Variants in GLIS3 observed in about 807,000 individuals in gnomAD.
GLIS3 encodes GLIS family zinc finger 3.
In GLIS3, 53 loss-of-function variants were observed where a neutral mutation model predicts 78.6. The ratio of observed to expected loss-of-function variants is 0.67; its 90% confidence interval spans 0.54 to 0.85. The LOEUF is 0.85. Ranked by LOEUF, GLIS3 falls within the 40% of genes least tolerant of loss-of-function variation. The pLI, the probability that GLIS3 is intolerant of heterozygous loss-of-function variation, is 0.00. For synonymous variants in GLIS3, 684 were observed against 509.9 expected, an observed-to-expected ratio of 1.34 and a Z score of -4.60; for missense variants, 1,703 against 1,231.1, an observed-to-expected ratio of 1.38 and a Z score of -5.74.
At chr9:4,011,498 T>G (rs966477259) in intron 4 of GLIS3, among the ~76,000 whole-genome samples, 2 of 152,196 alleles carry the variant, frequency 1.3e-5, no homozygotes, top group Admixed American at 1.3e-4. Context: ...GACTGTGTGG[T>G]GTGCACGGTA....
chr9:4,480,773 G>C, the GLIS3 span, among the ~76,000 whole-genome samples: 3 of 149,382 alleles, frequency 2.0e-5, no homozygotes, highest in Admixed American at 2.0e-4. Context: ...TGGAATTGTA[G>C]AATGCATATT....
chr9:4,204,275 G>A (rs967989610), intron 2 of GLIS3, among the ~76,000 whole-genome samples: 2 of 152,262 alleles, frequency 1.3e-5, no homozygotes, highest in South Asian at 2.1e-4. Flanking sequence ...ATTTTATAAC[G>A]ATTCTTTCAC....
chr9:4,180,442 C>A (rs866344847), intron 2 of GLIS3, among the ~76,000 whole-genome samples: 2 of 152,312 alleles, frequency 1.3e-5, no homozygotes, highest in African/African-American at 2.4e-5. Flanking sequence ...GTTTCCTCAT[C>A]AGCAAGGATG....
the GLIS3 span, among the ~76,000 whole-genome samples, chr9:4,371,838 C>G: frequency 1.3e-5 from 2 of 152,224 alleles, no homozygotes; most frequent in Non-Finnish European, 2.9e-5. Flanking sequence ...ACTTTTGCTT[C>G]AAAGATAGAG....
At chr9:4,190,988 G>C (rs1818282581) in intron 2 of GLIS3, among the ~76,000 whole-genome samples, 1 of 152,026 alleles carries the variant, frequency 6.6e-6, no homozygotes, top group South Asian at 2.1e-4. Flanking sequence ...AATGCTGAGA[G>C]ATTTTGTCAC....
intron 6 of GLIS3, among the ~76,000 whole-genome samples, chr9:3,904,195 G>A (rs1170801591): frequency 1.3e-5 from 2 of 152,164 alleles, no homozygotes; most frequent in Non-Finnish European, 2.9e-5. Flanking sequence ...GTGTGTGACT[G>A]CTGTACTGTG....
intron 4 of GLIS3, among the ~76,000 whole-genome samples, chr9:3,979,182 C>T (rs1363389689): frequency 6.6e-6 from 1 of 152,132 alleles, no homozygotes; most frequent in Non-Finnish European, 1.5e-5. Flanking sequence ...CCTGACAAAA[C>T]ACTCTAAACC....
At chr9:3,877,522 GT>G (rs1821396609) in intron 8 of GLIS3, among the ~76,000 whole-genome samples, 1 of 152,150 alleles carries the variant, frequency 6.6e-6, no homozygotes, top group Non-Finnish European at 1.5e-5. Context: ...CCTAAAGTCA[GT>G]TTATTATTCT....
the GLIS3 span, among the ~76,000 whole-genome samples, chr9:4,444,450 C>G: frequency 6.6e-6 from 1 of 152,182 alleles, no homozygotes; most frequent in Non-Finnish European, 1.5e-5. Context: ...TTTGAATGAA[C>G]AGAATGATAA....
At chr9:3,932,294 C>G in intron 6 of GLIS3, 66 bp downstream of exon 6, 2 of 1,246,676 alleles carry the variant, frequency 1.6e-6, no homozygotes, top group Non-Finnish European at 1.2e-6. Flanking sequence ...CCTGCAGAAG[C>G]TTCGTGTACT....
At chr9:4,182,891 C>A (rs1024832582) in intron 2 of GLIS3, among the ~76,000 whole-genome samples, 4 of 152,146 alleles carry the variant, frequency 2.6e-5, no homozygotes, top group African/African-American at 7.2e-5. Context: ...CCCAACAACT[C>A]CTAGTTTACT....
intron 7 of GLIS3, among the ~76,000 whole-genome samples, chr9:3,884,694 C>T (rs1312504818): frequency 6.6e-6 from 1 of 152,136 alleles, no homozygotes; most frequent in Non-Finnish European, 1.5e-5. Context: ...AACATTTCCC[C>T]AGTTTGCTGA....
chr9:4,029,230 A>C (rs773031202), intron 4 of GLIS3, among the ~76,000 whole-genome samples: 4 of 152,100 alleles, frequency 2.6e-5, no homozygotes, highest in Non-Finnish European at 5.9e-5. Flanking sequence ...TCATCTAGTC[A>C]AATGTAACAA....
chr9:3,975,052 G>T (rs1008579029), intron 4 of GLIS3: 12 of 152,216 alleles, frequency 7.9e-5, no homozygotes, highest in African/African-American at 2.9e-4. Flanking sequence ...AATGGGAAAA[G>T]ATTAGAATTT....
chr9:4,243,283 G>A (rs561329509), intron 2 of GLIS3, among the ~76,000 whole-genome samples: 2 of 152,286 alleles, frequency 1.3e-5, no homozygotes, highest in South Asian at 2.1e-4. Context: ...TGGCCAGAAA[G>A]GATCAGTCAG....
chr9:3,833,217 C>G (rs1818148845), intron 9 of GLIS3, among the ~76,000 whole-genome samples: 1 of 152,152 alleles, frequency 6.6e-6, no homozygotes, highest in African/African-American at 2.4e-5. Flanking sequence ...TTTTATCACT[C>G]TAACAGCCAA....
chr9:4,351,579 G>C (rs1817971967), upstream of GLIS3, among the ~76,000 whole-genome samples: 1 of 151,940 alleles, frequency 6.6e-6, no homozygotes. Flanking sequence ...CCATTTAATT[G>C]TTCAGATTTA....
At chr9:4,477,499 C>T in the GLIS3 span, among the ~76,000 whole-genome samples, 78 of 152,202 alleles carry the variant, frequency 5.1e-4, no homozygotes, top group Admixed American at 1.6e-3. Context: ...ACTGCAGCCT[C>T]AACCTCCCAG....
chr9:4,121,620 GACACACACACACACACAC>G (rs767610111), intron 3 of GLIS3, among the ~76,000 whole-genome samples: 6 of 142,216 alleles, frequency 4.2e-5, no homozygotes, highest in East Asian at 2.1e-4. Flanking sequence ...TTCTCCCAGT[GACACACACACACACACAC>G]ACACACACAC....
Sources: allele counts gnomAD v4.1 joint callset (sites outside exome capture counted in the v4.1 genomes callset), GRCh38; gene constraint gnomAD v4.1.1; transcripts MANE v1.5; gene names NCBI Gene and HGNC (gene_info 2026-07-23, HGNC 2026-07-21).